The following LINGO2 variants were observed in gnomAD, a reference collection of about 807,000 sequenced individuals.
The protein encoded by LINGO2 is leucine-rich repeat and immunoglobulin-like domain-containing nogo receptor-interacting protein 2.
LINGO2 carries 14 observed loss-of-function variants against 30.6 expected under a neutral mutation model. The ratio of observed to expected loss-of-function variants is 0.46; its 90% CI spans 0.30 to 0.72. LINGO2 has a LOEUF of 0.72. Ranked by LOEUF, LINGO2 falls within the 30% of genes least tolerant of loss-of-function variation. LINGO2 has a pLI of 0.07. For missense variants in LINGO2, 729 were observed against 751.7 expected, an observed-to-expected ratio of 0.97 and a Z score of 0.35; for synonymous variants, 317 against 288.5, an observed-to-expected ratio of 1.10 and a Z score of -1.00.
intron 1 of LINGO2, among the ~76,000 whole-genome samples, chr9:28,559,647 G>T (rs552389414): frequency 2.0e-4 from 31 of 152,070 alleles, no homozygotes; most frequent in Non-Finnish European, 3.7e-4. Flanking sequence ...ACTTACATAA[G>T]AAATACAATC....
chr9:28,113,427 GT>G (rs1171569693), intron 4 of LINGO2, among the ~76,000 whole-genome samples: 1 of 41,918 alleles, frequency 2.4e-5, no homozygotes, highest in Non-Finnish European at 4.2e-5. Context: ...CTTTAAAGTA[GT>G]TTTTTCCAAT....
chr9:28,065,419 G>A (rs1271988681), intron 4 of LINGO2, among the ~76,000 whole-genome samples: 1 of 108,716 alleles, frequency 9.2e-6, no homozygotes, highest in Non-Finnish European at 1.9e-5. Flanking sequence ...GGTGGGGGAT[G>A]GTCAGGAATC....
chr9:28,758,297 C>A, the LINGO2 span, among the ~76,000 whole-genome samples: 2 of 152,002 alleles, frequency 1.3e-5, no homozygotes, highest in African/African-American at 4.8e-5. Context: ...GATACTTTTT[C>A]TTTTCTTAAG....
chr9:28,429,648 A>G (rs1460756838), intron 2 of LINGO2, among the ~76,000 whole-genome samples: 10 of 152,182 alleles, frequency 6.6e-5, no homozygotes, highest in Admixed American at 2.0e-4. Flanking sequence ...GTTTTAGAGT[A>G]GAAGATGGCA....
chr9:28,240,993 G>A (rs7024766), intron 4 of LINGO2, among the ~76,000 whole-genome samples: 79,255 of 151,780 alleles, frequency 0.52, 21,101 homozygotes, highest in African/African-American at 0.62. Context: ...AAATCTGGTC[G>A]GGCACAGTGG....
At chr9:28,964,931 C>G in the LINGO2 span, among the ~76,000 whole-genome samples, 1 of 151,844 alleles carries the variant, frequency 6.6e-6, no homozygotes, top group Admixed American at 6.6e-5. Flanking sequence ...AGAACTTTTA[C>G]TTCTCACCAA....
intron 2 of LINGO2, among the ~76,000 whole-genome samples, chr9:28,453,039 T>A (rs1470549234): frequency 3.9e-5 from 6 of 151,918 alleles, no homozygotes; most frequent in African/African-American, 1.4e-4. Context: ...GACTCTGATA[T>A]AAATAAAGAT....
intron 3 of LINGO2, among the ~76,000 whole-genome samples, chr9:28,315,919 G>A (rs72709373): frequency 2.0e-5 from 3 of 152,256 alleles, no homozygotes; most frequent in Admixed American, 1.3e-4. Flanking sequence ...GGTTAAATGC[G>A]TAGGCTCCAG....
the LINGO2 span, among the ~76,000 whole-genome samples, chr9:28,930,485 G>A: frequency 1.3e-5 from 2 of 152,168 alleles, no homozygotes; most frequent in Non-Finnish European, 2.9e-5. The surrounding 1 kb of genome is among the most constrained non-coding windows in gnomAD (Gnocchi z 4.2). Context: ...ATCAAAAAAT[G>A]ACATTGACTA....
chr9:28,283,577 G>T (rs1823401281), intron 4 of LINGO2, among the ~76,000 whole-genome samples: 1 of 152,040 alleles, frequency 6.6e-6, no homozygotes, highest in South Asian at 2.1e-4. Flanking sequence ...TGAAAACCAG[G>T]TTAATATTAT....
chr9:28,690,493 A>AT, the LINGO2 span, among the ~76,000 whole-genome samples: 1 of 152,114 alleles, frequency 6.6e-6, no homozygotes, highest in Non-Finnish European at 1.5e-5. Context: ...ACCTACTTCC[A>AT]TTTCTCTGGG....
At chr9:28,170,578 A>G (rs1828554027) in intron 4 of LINGO2, among the ~76,000 whole-genome samples, 1 of 152,182 alleles carries the variant, frequency 6.6e-6, no homozygotes, top group Non-Finnish European at 1.5e-5. Flanking sequence ...TGTGGTAACA[A>G]ATTATCACAT....
the LINGO2 span, among the ~76,000 whole-genome samples, chr9:29,020,528 A>T: frequency 2.5e-4 from 38 of 152,120 alleles, no homozygotes; most frequent in African/African-American, 9.1e-4. Context: ...CTTTATTAAT[A>T]GGTAAGCCCT....
chr9:28,946,188 G>C, the LINGO2 span, among the ~76,000 whole-genome samples: 1 of 152,130 alleles, frequency 6.6e-6, no homozygotes, highest in Non-Finnish European at 1.5e-5. Flanking sequence ...TGAGAATTCT[G>C]AGGCTAAAAG....
At chr9:28,475,880 T>A (rs2135192142) in intron 2 of LINGO2, 60 bp downstream of exon 4, 1 of 152,742 alleles carries the variant, frequency 6.5e-6, no homozygotes, top group East Asian at 1.9e-4. Flanking sequence ...TATGCAGACT[T>A]TTTGCATAAG....
At chr9:28,545,860 A>G (rs904502515) in intron 1 of LINGO2, among the ~76,000 whole-genome samples, 1 of 152,084 alleles carries the variant, frequency 6.6e-6, no homozygotes, top group Admixed American at 6.6e-5. Flanking sequence ...AACTTCCTCA[A>G]TGTCATAAGG....
chr9:29,042,943 C>A, the LINGO2 span, among the ~76,000 whole-genome samples: 2 of 151,724 alleles, frequency 1.3e-5, no homozygotes, highest in Non-Finnish European at 1.5e-5. Flanking sequence ...GTCAGGGTAG[C>A]AATGGTAGTG....
intron 5 of LINGO2, among the ~76,000 whole-genome samples, chr9:28,003,651 C>T (rs377574164): frequency 5.9e-5 from 9 of 152,084 alleles, no homozygotes; most frequent in East Asian, 5.8e-4. Flanking sequence ...TTAGTAGAAA[C>T]GGGGTTTCAC....
chr9:28,015,809 G>A (rs1822803389), intron 4 of LINGO2, among the ~76,000 whole-genome samples: 1 of 151,916 alleles, frequency 6.6e-6, no homozygotes, highest in Non-Finnish European at 1.5e-5. Context: ...ATAATTTTTA[G>A]TTATTAATTT....
Sources: allele counts gnomAD v4.1 joint callset (sites outside exome capture counted in the v4.1 genomes callset), GRCh38; gene constraint gnomAD v4.1.1; non-coding constraint Gnocchi (gnomAD v3.1); transcripts MANE v1.5; gene names NCBI Gene and HGNC (gene_info 2026-07-23, HGNC 2026-07-21).